UNC80: variants seen among roughly 807,000 people sequenced by gnomAD.
UNC80 encodes protein unc-80 homolog.
In UNC80, 164 loss-of-function variants were observed where a neutral mutation model predicts 384.6. The ratio of observed to expected loss-of-function variants is 0.43; its 90% CI spans 0.38 to 0.49. The LOEUF is 0.49. Ranked by LOEUF, UNC80 falls within the 20% of genes least tolerant of loss-of-function variation. UNC80 has a pLI of 0.00. For missense variants in UNC80, 3,330 were observed against 4,143.0 expected (o/e 0.80, Z 5.39); for synonymous variants, 1,486 against 1,527.8 (o/e 0.97, Z 0.64).
chr2:209,878,535 T>G (rs1348319954), intron 24 of UNC80, among the ~76,000 whole-genome samples: 2 of 152,174 alleles, frequency 1.3e-5, no homozygotes, highest in African/African-American at 4.8e-5. Flanking sequence ...TATTGAAAAT[T>G]TTAAACAGAG....
intron 15 of UNC80, 21 bp from the exon 16 acceptor site, chr2:209,831,422 A>C: frequency 6.5e-7 from 1 of 1,538,502 alleles, no homozygotes; most frequent in Non-Finnish European, 8.8e-7. Context: ...ATTGTCTTTA[A>C]TTTGTGCCTT....
chr2:209,896,919 G>A (rs559784948), intron 28 of UNC80, among the ~76,000 whole-genome samples: 79 of 152,236 alleles, frequency 5.2e-4, no homozygotes, highest in African/African-American at 1.8e-3. Flanking sequence ...TGGAGTCCAA[G>A]ACTTGAGCTG....
At chr2:209,989,276 G>A (rs1008451316) in intron 61 of UNC80, among the ~76,000 whole-genome samples, 2 of 150,756 alleles carry the variant, frequency 1.3e-5, no homozygotes, top group South Asian at 4.2e-4. Flanking sequence ...AGTGAGCCAA[G>A]ATAGTGCCAC....
chr2:209,941,547 C>A, intron 44 of UNC80, 58 bp downstream of exon 44: 2 of 1,425,190 alleles, frequency 1.4e-6, no homozygotes, highest in Non-Finnish European at 1.9e-6. Flanking sequence ...TCATATCTAG[C>A]CGTTCAACTA....
rs2093035140 is a variant in UNC80, at chr2:209,977,178, AAT to A, written c.8938+103_8938+104del. Reference sequence around the variant, plus strand: ...GGTCACCACACTTTTTGGAACTATGAATATGTTAGCCATTTTGGTACACTGTT... The same window carrying A: ...GGTCACCACACTTTTTGGAACTATGAATGTTAGCCATTTTGGTACACTGTT... On this transcript the variant is annotated intron_variant, in intron 58 of 64. Coordinates refer to ENST00000673920, the MANE Select transcript of UNC80 (RefSeq NM_001371986.1). 4 of 1,209,838 alleles carry A rather than the reference AAT, an allele frequency of 3.3e-6. 1 individual carries two copies. The South Asian group carries it at 1.1e-4, about 34-fold the overall frequency. The allele number at this position is 1,209,838 out of a possible 1,614,324, so 74.9% of individuals were successfully genotyped here.
chr2:209,910,232 A>G (rs2088760745), intron 29 of UNC80, among the ~76,000 whole-genome samples: 1 of 150,016 alleles, frequency 6.7e-6, no homozygotes, highest in Non-Finnish European at 1.5e-5. Context: ...CATTTCAACC[A>G]CTAGGTGCAT....
At position 209,839,374 on chromosome 2, in the gene UNC80, G is replaced by A. The variant is rs894657994; in HGVS notation, c.3194G>A (p.Arg1065His). The change falls in exon 19 of 65, where the codon CGT becomes CAT. Residue 1065 changes from arginine to histidine, a missense_variant. Coordinates refer to ENST00000673920, the MANE Select transcript of UNC80 (RefSeq NM_001371986.1). This position sits in a 1 kb window ranked among gnomAD's most constrained non-coding sequence, Gnocchi z 4.1. ...TAHSGTTSDR[R>H]ARSRSRRISL... ...CACTCAGGGACCACCTCTGACCGAC[G>A]TGCCCGCTCACGATCCCGCAGAATT... is the stretch of plus-strand genomic sequence containing the variant. The A allele has an allele frequency of 4.5e-6, 7 of 1,551,840 alleles. No homozygotes were observed. The highest frequency in any genetic ancestry group is 2.0e-5 in the Admixed American group (1 of 50,974).
intron 36 of UNC80, among the ~76,000 whole-genome samples, chr2:209,928,630 T>A (rs1195588816): frequency 6.6e-6 from 1 of 152,208 alleles, no homozygotes; most frequent in Non-Finnish European, 1.5e-5. Flanking sequence ...GATCAAATCA[T>A]GGTAATTAGC....
At chr2:209,785,974 C>T in intron 4 of UNC80, 92 bp from the exon 5 acceptor site, 1 of 1,374,260 alleles carries the variant, frequency 7.3e-7, no homozygotes, top group Non-Finnish European at 9.9e-7. Context: ...TGAAAATAAC[C>T]TTGTGAGTGA....
chr2:209,901,109 T>C (rs2087347525), intron 28 of UNC80, among the ~76,000 whole-genome samples: 1 of 152,236 alleles, frequency 6.6e-6, no homozygotes, highest in Non-Finnish European at 1.5e-5. Flanking sequence ...GGATCATTGA[T>C]GTAGGTGGCT....
Position 209,935,703 on chromosome 2 carries a change from A to G in UNC80, c.6179-11A>G. ...TAAAAGTCAGTTTGTTATTATTTTT[A>G]TCATCTGTAGGTACTAAAACCTTGG... On this transcript the variant is annotated splice_polypyrimidine_tract_variant and intron_variant, in intron 39 of 64. Transcript: ENST00000673920. 2.2e-6 allele frequency: 3 copies of G among 1,390,506 alleles called. No individual in the cohort carries two copies. Among genetic ancestry groups the G allele is most frequent in the Non-Finnish European group, 2.8e-6 (3 of 1,056,032 alleles). 86.1% of individuals were successfully genotyped at this position (1,390,506 alleles called of 1,614,324 possible).
chr2:209,977,585 A>C (rs1294897830), intron 58 of UNC80, among the ~76,000 whole-genome samples: 4 of 152,222 alleles, frequency 2.6e-5, no homozygotes, highest in African/African-American at 9.6e-5. Flanking sequence ...ATAACTTACT[A>C]CTGTCACATA....
At chr2:209,871,558 G>A (rs1174308963) in intron 22 of UNC80, among the ~76,000 whole-genome samples, 1 of 152,030 alleles carries the variant, frequency 6.6e-6, no homozygotes, top group African/African-American at 2.4e-5. Flanking sequence ...AAAATCTGTG[G>A]TTACTGAGTA....
intron 53 of UNC80, 33 bp from the exon 54 acceptor site, chr2:209,970,799 C>A: frequency 6.5e-7 from 1 of 1,547,202 alleles, no homozygotes; most frequent in Non-Finnish European, 8.7e-7. Flanking sequence ...TTGCAATAGT[C>A]AAGGCTGGTC....
At chr2:209,973,400 G>T in intron 56 of UNC80, 130 bp downstream of exon 56, 2 of 896,852 alleles carry the variant, frequency 2.2e-6, no homozygotes, top group Non-Finnish European at 3.3e-6. Flanking sequence ...AACTCAGAAA[G>T]AATTTAGAGA....
chr2:209,981,666 C>T (rs189366652), intron 59 of UNC80, among the ~76,000 whole-genome samples: 8 of 152,294 alleles, frequency 5.3e-5, no homozygotes, highest in East Asian at 3.9e-4. Flanking sequence ...TTTAAAATTT[C>T]GGTTAAAATC....
At chr2:209,856,761 C>CT (rs370448341) in intron 22 of UNC80, among the ~76,000 whole-genome samples, 1 of 149,678 alleles carries the variant, frequency 6.7e-6, no homozygotes, top group African/African-American at 2.5e-5. Flanking sequence ...TTTTTGTTTA[C>CT]TTATTTATTT....
intron 5 of UNC80, among the ~76,000 whole-genome samples, chr2:209,789,221 G>A (rs1158799985): frequency 6.8e-6 from 1 of 146,310 alleles, no homozygotes; most frequent in Non-Finnish European, 1.5e-5. Context: ...TATGTAAAAT[G>A]CTTAGGAACT....
chr2:209,980,460 C>G (rs1004287047), intron 59 of UNC80, among the ~76,000 whole-genome samples: 9 of 152,162 alleles, frequency 5.9e-5, no homozygotes, highest in African/African-American at 2.2e-4. Context: ...GGGAGCCATG[C>G]AATTTTTTGC....
Sources: allele counts gnomAD v4.1 joint callset (sites outside exome capture counted in the v4.1 genomes callset), GRCh38; gene constraint gnomAD v4.1.1; non-coding constraint Gnocchi (gnomAD v3.1); transcripts MANE v1.5; gene names NCBI Gene and HGNC (gene_info 2026-07-23, HGNC 2026-07-21).